XPNPEP1: variants seen among roughly 807,000 people sequenced by gnomAD.
The protein encoded by XPNPEP1 is xaa-Pro aminopeptidase 1.
Under a neutral mutation model 92.4 loss-of-function variants are expected in XPNPEP1, and 39 were observed. The observed-to-expected ratio is 0.42, with a 90% CI of 0.33 to 0.55. XPNPEP1 has a LOEUF of 0.55. XPNPEP1 is among the 20% of genes least tolerant of loss of function. The pLI, the probability that XPNPEP1 is intolerant of heterozygous loss-of-function variation, is 0.08. For missense variants in XPNPEP1, 654 were observed against 856.1 expected, an observed-to-expected ratio of 0.76 and a Z score of 2.95; for synonymous variants, 307 against 299.4, an observed-to-expected ratio of 1.03 and a Z score of -0.26.
chr10:109,895,555 C>G (rs1017438054), intron 3 of XPNPEP1, among the ~76,000 whole-genome samples: 5 of 152,234 alleles, frequency 3.3e-5, no homozygotes, highest in Admixed American at 3.3e-4. Context: ...CAAGGCTGGC[C>G]ACAGCCTCAC....
At chr10:109,881,554 G>C (rs1848097401) in intron 10 of XPNPEP1, among the ~76,000 whole-genome samples, 1 of 152,244 alleles carries the variant, frequency 6.6e-6, no homozygotes, top group Non-Finnish European at 1.5e-5. Flanking sequence ...TCTCCAGAGA[G>C]AGAGGAGAGA....
At chr10:109,891,396 C>T (rs2133444895) in intron 5 of XPNPEP1, 2 of 188,632 alleles carry the variant, frequency 1.1e-5, no homozygotes, top group South Asian at 1.8e-4. Flanking sequence ...CTTTATCTCA[C>T]TCTGAATCAT....
At chr10:109,872,680 A>T (rs574534082) in intron 16 of XPNPEP1, among the ~76,000 whole-genome samples, 5 of 152,370 alleles carry the variant, frequency 3.3e-5, no homozygotes, top group African/African-American at 1.2e-4. Flanking sequence ...GCTCTCTTGG[A>T]CAAACAGATT....
At chr10:109,923,322 C>A (rs1269378757) in intron 1 of XPNPEP1, 80 bp downstream of exon 1, 2 of 1,342,776 alleles carry the variant, frequency 1.5e-6, no homozygotes, top group Admixed American at 3.3e-5. Context: ...GCGTCCCTGC[C>A]CGCCGAGGTG....
intron 1 of XPNPEP1, among the ~76,000 whole-genome samples, chr10:109,921,987 C>T (rs1241724677): frequency 2.0e-5 from 3 of 152,210 alleles, no homozygotes; most frequent in African/African-American, 7.2e-5. Flanking sequence ...GAAGCGGATA[C>T]TGAATAAATC....
intron 1 of XPNPEP1, 192 bp from the exon 2 acceptor site, chr10:109,915,291 G>T (rs1240711021): frequency 1.1e-5 from 4 of 373,896 alleles, no homozygotes; most frequent in Non-Finnish European, 1.4e-5. Context: ...CCCATGGCAG[G>T]TTAACCTTCT....
chr10:109,878,409 G>T (rs1847898701), intron 12 of XPNPEP1: 2 of 202,564 alleles, frequency 9.9e-6, no homozygotes, highest in Non-Finnish European at 2.0e-5. Flanking sequence ...AATGCGGAGA[G>T]ATTATTGCAG....
At chr10:109,875,660 G>A in intron 14 of XPNPEP1, 61 bp from the exon 15 acceptor site, 1 of 1,469,302 alleles carries the variant, frequency 6.8e-7, no homozygotes. Flanking sequence ...GAATCTGGGA[G>A]GAGGACACAC....
chr10:109,910,554 A>T (rs1849811549), intron 2 of XPNPEP1, among the ~76,000 whole-genome samples: 1 of 152,162 alleles, frequency 6.6e-6, no homozygotes. Flanking sequence ...CAAAAAAAAA[A>T]AAAAAAGACA....
At chr10:109,905,311 G>C (rs1266748834) in intron 3 of XPNPEP1, among the ~76,000 whole-genome samples, 1 of 152,158 alleles carries the variant, frequency 6.6e-6, no homozygotes, top group East Asian at 1.9e-4. Context: ...TCAGGATCAA[G>C]CAAATTCTCC....
intron 1 of XPNPEP1, among the ~76,000 whole-genome samples, chr10:109,918,782 G>A (rs1345136971): frequency 6.8e-6 from 1 of 146,264 alleles, no homozygotes; most frequent in Non-Finnish European, 1.5e-5. Context: ...AAGACAGGAA[G>A]GAAGGAGAGG....
intron 15 of XPNPEP1, among the ~76,000 whole-genome samples, chr10:109,873,818 C>G (rs1284780930): frequency 6.6e-6 from 1 of 152,192 alleles, no homozygotes; most frequent in Non-Finnish European, 1.5e-5. Context: ...AAATGGAATA[C>G]TGATACATGC....
At position 109,877,769 on chromosome 10, in the gene XPNPEP1, A is replaced by AT. The variant is rs1416449306; in HGVS notation, c.1319+20dup. The AT allele has an allele frequency of 3.7e-6, 6 of 1,614,022 alleles. No individual in the cohort carries two copies. In the African/African-American group the frequency reaches 6.7e-5, roughly 18 times the overall value. ...TGCAGAAGCAGCAAGGCCAGGCAGC[A>AT]TGCTCCTCCGCATGCCTTACGCGTA... is the stretch of plus-strand genomic sequence containing the variant. On this transcript the variant is annotated intron_variant, in intron 14 of 20. Coordinates refer to ENST00000502935, the MANE Select transcript of XPNPEP1 (RefSeq NM_020383.4).
chr10:109,918,890 A>G lies in XPNPEP1; in HGVS notation c.33-3791T>C, dbSNP rs1354242402. ...AAGGAAGGAAGGAAGGAAGGAAGGAAGGAAGGAAGGAAGGAAGGAAGGAAG... is the reference window on the plus strand; with the variant it reads ...AAGGAAGGAAGGAAGGAAGGAAGGAGGGAAGGAAGGAAGGAAGGAAGGAAG... On this transcript the variant is annotated intron_variant, in intron 1 of 20. Transcript: ENST00000502935. 2.8e-4 allele frequency among the ~76,000 whole-genome samples: 29 copies of G among 105,380 alleles called. 1 individual carries two copies. The highest frequency in any genetic ancestry group is 5.6e-4 in the South Asian group (2 of 3,554). The allele number at this position is 105,380 out of a possible 152,430, so 69.1% of individuals were successfully genotyped here. A position where few individuals can be genotyped will look rare whatever the true frequency, so the allele number is the denominator to read the frequency against.
chr10:109,872,771 C>T (rs1847558869), intron 16 of XPNPEP1, among the ~76,000 whole-genome samples: 1 of 152,148 alleles, frequency 6.6e-6, no homozygotes, highest in African/African-American at 2.4e-5. Flanking sequence ...TCACAGCCAC[C>T]CGGGAAGGTG....
At chr10:109,912,746 C>A (rs1849947734) in intron 2 of XPNPEP1, among the ~76,000 whole-genome samples, 2 of 152,154 alleles carry the variant, frequency 1.3e-5, no homozygotes, top group African/African-American at 2.4e-5. Context: ...CACAACTAAC[C>A]ATAAATGCAA....
At chr10:109,869,848 A>G in intron 19 of XPNPEP1, 105 bp downstream of exon 19, 1 of 1,204,600 alleles carries the variant, frequency 8.3e-7, no homozygotes, top group East Asian at 2.5e-5. Context: ...AAGAAACAGG[A>G]AAATTTTTAA....
chr10:109,921,065 C>T (rs918571227), intron 1 of XPNPEP1, among the ~76,000 whole-genome samples: 6 of 152,164 alleles, frequency 3.9e-5, no homozygotes, highest in East Asian at 3.8e-4. Flanking sequence ...CTGTTCTTGT[C>T]GTATCTTGGT....
intron 14 of XPNPEP1, 119 bp downstream of exon 14, chr10:109,877,671 G>C: frequency 1.6e-6 from 2 of 1,223,754 alleles, no homozygotes; most frequent in Non-Finnish European, 2.4e-6. Flanking sequence ...TCATTTTACA[G>C]TCTCAACAGA....
Sources: gnomAD v4.1 joint callset for allele counts (sites outside exome capture counted in the v4.1 genomes callset) on GRCh38, gnomAD v4.1.1 for gene constraint, MANE v1.5 for transcripts, NCBI Gene and HGNC (gene_info 2026-07-23, HGNC 2026-07-21) for gene names.